Variants in CHERP observed in about 807,000 individuals in gnomAD.
The protein encoded by CHERP is calcium homeostasis endoplasmic reticulum protein, also known as ERPROT 213-21.
A neutral mutation model predicts 113.8 loss-of-function variants in CHERP; 8 were observed. The observed-to-expected ratio is 0.07, with a 90% CI of 0.04 to 0.13. The LOEUF (loss-of-function observed/expected upper bound fraction) is 0.13. CHERP is among the 10% of genes least tolerant of loss of function. The probability of loss-of-function intolerance (pLI) is 1.00; values close to 1 mark genes in which losing one functional copy is unlikely to be tolerated. For synonymous variants in CHERP, 559 were observed against 524.5 expected (o/e 1.07, Z -0.90); for missense variants, 884 against 1,298.2 (o/e 0.68, Z 4.90).
In CHERP at chr19:16,530,037, G is replaced by T; in HGVS notation, c.877-137C>A. 1.8e-6 allele frequency: 2 copies of T among 1,140,406 alleles called. No homozygotes were observed. The highest frequency in any genetic ancestry group is 2.5e-6 in the Non-Finnish European group (2 of 813,252). The allele number at this position is 1,140,406 out of a possible 1,614,324, so 70.6% of individuals were successfully genotyped here. On this transcript the variant is annotated intron_variant, in intron 7 of 16. Transcript: ENST00000546361. The surrounding 1 kb of genome is among the most constrained non-coding windows in gnomAD (Gnocchi z 4.1). ...GGACAGGGAACCGTCACGTGAAACAGCCAACACAGTCTGGGCAATCAGTGT... is the reference window on the plus strand; with the variant it reads ...GGACAGGGAACCGTCACGTGAAACATCCAACACAGTCTGGGCAATCAGTGT...
Position 16,532,823 on chromosome 19 carries a change from C to A in CHERP, c.523-74G>T. On this transcript the variant is annotated intron_variant, in intron 4 of 16. Transcript: ENST00000546361. The surrounding 1 kb of genome is among the most constrained non-coding windows in gnomAD (Gnocchi z 4.4). ...GGCACCCACTGCATCCCTGAGAGCG[C>A]GTCACCATCAGCTCAGGGAAGGACA... The A allele has an allele frequency of 1.9e-6, 3 of 1,559,956 alleles. No individual in the cohort carries two copies. Among genetic ancestry groups the A allele is most frequent in the South Asian group, 2.4e-5 (2 of 83,026 alleles).
At chr19:16,541,759 CCACTTCAAAGAATAAA>C (rs1462803043) in intron 2 of CHERP, 95 bp downstream of exon 2, 4 of 1,143,982 alleles carry the variant, frequency 3.5e-6, no homozygotes, top group Middle Eastern at 2.9e-4. Context: ...CCGAGCTGCT[CCACTTCAAAGAATAAA>C]CGACCCGAAA....
intron 3 of CHERP, among the ~76,000 whole-genome samples, chr19:16,534,239 AC>A (rs1232785281): frequency 6.6e-6 from 1 of 151,876 alleles, no homozygotes; most frequent in East Asian, 1.9e-4. Flanking sequence ...TTTACTAGAG[AC>A]AGGGTTTCAC....
rs575182489 is a variant in CHERP, at chr19:16,520,234, G to A, written c.2377C>T (p.Arg793Cys). 8.7e-6 allele frequency: 14 copies of A among 1,613,416 alleles called. No homozygotes were observed. Among genetic ancestry groups the A allele is most frequent in the Admixed American group, 3.3e-5 (2 of 60,020 alleles). Residue 793 changes from arginine to cysteine, a missense_variant, in exon 15 of 17, where the codon CGC becomes TGC. This residue lies in a region of CHERP where 159 missense variants were observed against 185.8 expected (regional missense o/e 0.86). Coordinates refer to ENST00000546361, the MANE Select transcript of CHERP (RefSeq NM_006387.6). The surrounding 1 kb of genome is among the most constrained non-coding windows in gnomAD (Gnocchi z 4.0). ...CGGGACCGCGACTGGGACCGGGAGC[G>A]GCTTCTGGAGGAGCGCGACCTGCTC... ...SRSRSRSSRSRSRSQSRSRSK... is the reference protein window; with the variant it reads ...SRSRSRSSRSCSRSQSRSRSK...
At chr19:16,540,767 G>C (rs1220228774) in intron 2 of CHERP, among the ~76,000 whole-genome samples, 1 of 149,206 alleles carries the variant, frequency 6.7e-6, no homozygotes, top group South Asian at 2.1e-4. Context: ...GCGTGGTCTT[G>C]GCTTACCGCA....
chr19:16,518,870 C>T lies in CHERP; in HGVS notation c.*289G>A, dbSNP rs114767194. 743 of 423,244 alleles carry T rather than the reference C, an allele frequency of 1.8e-3. 2 individuals carry two copies. Among genetic ancestry groups the T allele is most frequent in the African/African-American group, 0.014 (659 of 48,332 alleles). 26.2% of individuals were successfully genotyped at this position (423,244 alleles called of 1,614,324 possible). On this transcript the variant is annotated 3_prime_UTR_variant, in exon 17 of 17. Coordinates refer to ENST00000546361, the MANE Select transcript of CHERP (RefSeq NM_006387.6). ...TCCCTTCGTGGCTGAAGAATTTACT[C>T]GGGCGGAGGGTCTTGTGTTTTTTGC...
chr19:16,535,645 A>G lies in CHERP; in HGVS notation c.200-9T>C. 1 of 1,500,574 alleles carries G rather than the reference A, an allele frequency of 6.7e-7. No homozygotes were observed. Among genetic ancestry groups the G allele is most frequent in the Non-Finnish European group, 8.9e-7 (1 of 1,126,394 alleles). The allele number at this position is 1,500,574 out of a possible 1,614,324, so 93.0% of individuals were successfully genotyped here. On this transcript the variant is annotated splice_polypyrimidine_tract_variant and intron_variant, in intron 2 of 16. Transcript: ENST00000546361. The surrounding 1 kb of genome is among the most constrained non-coding windows in gnomAD (Gnocchi z 4.3). ...CTGCTGCTTGCAGATGACTGGAGGG[A>G]GAGGAGGAGGGGTGCCCCATGAGAA... is the stretch of plus-strand genomic sequence containing the variant.
Position 16,523,271 on chromosome 19 carries a change from G to C in CHERP, c.1761C>G (p.His587Gln). Residue 587 changes from histidine to glutamine, a missense_variant, in exon 11 of 17, where the codon CAC becomes CAG. Transcript: ENST00000546361. The surrounding 1 kb of genome is among the most constrained non-coding windows in gnomAD (Gnocchi z 4.0). The stretch of plus-strand genomic sequence containing the variant: ...GATGAGGCATGCGGTGGCCAGGGTG[G>C]TGGTGAGGGGGCCCCATTTCTGCAA... ...DFPAEMGPPH[H>Q]HPGHRMPHPG... is the part of the protein sequence containing the mutation. 1 of 1,602,702 alleles carries C rather than the reference G, an allele frequency of 6.2e-7. No homozygotes were observed. Among genetic ancestry groups the C allele is most frequent in the Non-Finnish European group, 8.5e-7 (1 of 1,175,378 alleles).
chr19:16,527,321 T>C (rs548785876), intron 9 of CHERP, among the ~76,000 whole-genome samples: 9 of 152,298 alleles, frequency 5.9e-5, no homozygotes, highest in African/African-American at 2.2e-4. Context: ...TATGGGGGTG[T>C]CCAATCTTTT....
At chr19:16,521,133 G>A (rs567520521) in intron 12 of CHERP, 1 of 601,758 alleles carries the variant, frequency 1.7e-6, no homozygotes, top group South Asian at 2.0e-5. Context: ...CCACCCTGCT[G>A]TTCCGCTGAG....
At position 16,523,749 on chromosome 19, in the gene CHERP, T is replaced by G. The variant is rs1036744604; in HGVS notation, c.1742-459A>C. Among the ~76,000 whole-genome samples the G allele has an allele frequency of 6.6e-6, 1 of 151,904 alleles. No individual in the cohort carries two copies. The highest frequency in any genetic ancestry group is 1.5e-5 in the Non-Finnish European group (1 of 68,002). Reference sequence around the variant, plus strand: ...GACATGTAGAGAGAAGACGGTCACCTATGAGCCAAGGAGACAGGCCTCCAA... The same window carrying G: ...GACATGTAGAGAGAAGACGGTCACCGATGAGCCAAGGAGACAGGCCTCCAA... On this transcript the variant is annotated intron_variant, in intron 10 of 16. Transcript: ENST00000546361. This position sits in a 1 kb window ranked among gnomAD's most constrained non-coding sequence, Gnocchi z 4.0.
chr19:16,539,213 T>C (rs1240204863), intron 2 of CHERP, among the ~76,000 whole-genome samples: 3 of 149,872 alleles, frequency 2.0e-5, no homozygotes, highest in Non-Finnish European at 4.4e-5. Context: ...AGTGGTGCGA[T>C]CTCGGCTCAC....
rs1441494861 is a variant in CHERP at position 16,521,647 on chromosome 19, T to C, written c.1988A>G (p.Asp663Gly). 3 of 1,583,062 alleles carry C rather than the reference T, an allele frequency of 1.9e-6. No individual in the cohort carries two copies. The highest frequency in any genetic ancestry group is 2.6e-6 in the Non-Finnish European group (3 of 1,162,142). ...AGGGTCCAAAGGCTTGTACTCGTGATCTTCCAGCTGCAGCAGAGAACCCCA... is the reference window on the plus strand; with the variant it reads ...AGGGTCCAAAGGCTTGTACTCGTGACCTTCCAGCTGCAGCAGAGAACCCCA... ...GLMAPLVKLE[D>G]HEYKPLDPKD... Residue 663 changes from aspartate to glycine, a missense_variant, in exon 12 of 17, where the codon GAT becomes GGT. This residue lies in a region of CHERP where 464 missense variants were observed against 590.1 expected (regional missense o/e 0.79). Transcript: ENST00000546361.
Position 16,532,946 on chromosome 19 carries a change from C to A in CHERP, c.522+65G>T. On this transcript the variant is annotated intron_variant, in intron 4 of 16. Transcript: ENST00000546361. The surrounding 1 kb of genome is among the most constrained non-coding windows in gnomAD (Gnocchi z 4.4). ...AACAGCCCTTAGCCCAGATTGGCTACGACAGGCCCTGCCTCAGGGAGGGAC... is the reference window on the plus strand; with the variant it reads ...AACAGCCCTTAGCCCAGATTGGCTAAGACAGGCCCTGCCTCAGGGAGGGAC... The A allele has an allele frequency of 6.5e-7, 1 of 1,545,358 alleles. No homozygotes were observed. Among genetic ancestry groups the A allele is most frequent in the Admixed American group, 2.0e-5 (1 of 50,782 alleles).
intron 5 of CHERP, 124 bp from the exon 6 acceptor site, chr19:16,531,004 C>A: frequency 6.9e-7 from 1 of 1,454,068 alleles, no homozygotes; most frequent in South Asian, 1.3e-5. Context: ...CCAACCCGGT[C>A]AGGGCGATGG....
chr19:16,521,667 AC>A lies in CHERP; in HGVS notation c.1981-14del. ...CGTGATCTTCCAGCTGCAGCAGAGA[AC>A]CCCAGCTGTCACCATGCCTGGGCAG... On this transcript the variant is annotated splice_polypyrimidine_tract_variant and intron_variant, in intron 11 of 16. Transcript: ENST00000546361. 1 of 1,552,186 alleles carries A rather than the reference AC, an allele frequency of 6.4e-7. No individual in the cohort carries two copies. Among genetic ancestry groups the A allele is most frequent in the Non-Finnish European group, 8.7e-7 (1 of 1,144,714 alleles).
At chr19:16,542,120 C>A in intron 1 of CHERP, 77 bp from the exon 2 acceptor site, 1 of 1,486,890 alleles carries the variant, frequency 6.7e-7, no homozygotes, top group Non-Finnish European at 9.0e-7. Flanking sequence ...CCCCAGCCCC[C>A]GTCCGCCTTG....
Position 16,530,011 on chromosome 19 carries a change from T to A in CHERP, c.877-111A>T. ...CAGAGCCTGGGGGACCTGGGGCAGG[T>A]GGACAGGGAACCGTCACGTGAAACA... On this transcript the variant is annotated intron_variant, in intron 7 of 16. Coordinates refer to ENST00000546361, the MANE Select transcript of CHERP (RefSeq NM_006387.6). This position sits in a 1 kb window ranked among gnomAD's most constrained non-coding sequence, Gnocchi z 4.1. The A allele has an allele frequency of 7.1e-7, 1 of 1,399,830 alleles. No individual in the cohort carries two copies. The highest frequency in any genetic ancestry group is 9.6e-7 in the Non-Finnish European group (1 of 1,040,924). 86.7% of individuals were successfully genotyped at this position (1,399,830 alleles called of 1,614,324 possible). A position where few individuals can be genotyped will look rare whatever the true frequency, so the allele number is the denominator to read the frequency against.
In CHERP at chr19:16,523,058, G is replaced by T. The variant is rs181968256; in HGVS notation, c.1974C>A (p.Leu658=). 1.3e-6 allele frequency: 2 copies of T among 1,512,570 alleles called. No individual in the cohort carries two copies. Among genetic ancestry groups the T allele is most frequent in the Admixed American group, 2.3e-5 (1 of 42,720 alleles). 93.7% of individuals were successfully genotyped at this position (1,512,570 alleles called of 1,614,324 possible). ...FDLPAGLMAP[L]VKLEDHEYKP... is the part of the protein sequence containing the mutation. ...GCCCACTGTGGGGCATTACCTTCAC[G>T]AGGGGGGCCATCAGCCCAGCAGGGA... The change falls in exon 11 of 17, where the codon CTC becomes CTA. Residue 658 remains leucine (L), a synonymous_variant. Coordinates refer to ENST00000546361, the MANE Select transcript of CHERP (RefSeq NM_006387.6). This position sits in a 1 kb window ranked among gnomAD's most constrained non-coding sequence, Gnocchi z 4.0.
Sources: allele counts gnomAD v4.1 joint callset (sites outside exome capture counted in the v4.1 genomes callset), GRCh38; gene constraint gnomAD v4.1.1; regional missense constraint gnomAD v4.1.1; non-coding constraint Gnocchi (gnomAD v3.1); transcripts MANE v1.5; gene names NCBI Gene and HGNC (gene_info 2026-07-23, HGNC 2026-07-21).